The following GRID2 variants were observed in gnomAD, a reference collection of about 807,000 sequenced individuals.
The protein encoded by GRID2 is glutamate ionotropic receptor delta type subunit 2.
Under a neutral mutation model 114.8 loss-of-function variants are expected in GRID2, and 33 were observed. The ratio of observed to expected loss-of-function variants is 0.29; its 90% CI spans 0.22 to 0.38. The LOEUF (loss-of-function observed/expected upper bound fraction) is 0.38. GRID2 is among the 10% of genes least tolerant of loss of function. The probability of loss-of-function intolerance (pLI) is 1.00; values close to 1 mark genes in which losing one functional copy is unlikely to be tolerated. For synonymous variants in GRID2, 505 were observed against 449.9 expected (o/e 1.12, Z -1.55); for missense variants, 1,184 against 1,257.7 (o/e 0.94, Z 0.89).
intron 2 of GRID2, among the ~76,000 whole-genome samples, chr4:92,709,572 G>GAAAAAAA (rs767320278): frequency 9.9e-6 from 1 of 101,034 alleles, no homozygotes; most frequent in East Asian, 3.2e-4. Context: ...ATAGTGTAGA[G>GAAAAAAA]AAAAAAAAAA....
Position 93,626,420 on chromosome 4 carries a change from A to G in GRID2, c.2345A>G (p.Asp782Gly), listed in dbSNP as rs1408397515. 1.2e-6 allele frequency: 2 copies of G among 1,605,000 alleles called. No homozygotes were observed. The highest frequency in any genetic ancestry group is 1.7e-6 in the Non-Finnish European group (2 of 1,175,536). The change falls in exon 14 of 16, where the codon GAT becomes GGT. Residue 782 changes from aspartate (D) to glycine (G), a missense_variant. Transcript: ENST00000282020. ...TTACAACATGGCAGTCCTTACCGAGATGTTTTTTCACAAAGGTAAGATTTG... is the reference window on the plus strand; with the variant it reads ...TTACAACATGGCAGTCCTTACCGAGGTGTTTTTTCACAAAGGTAAGATTTG... ...IALQHGSPYRDVFSQRILELQ... is the reference protein window; with the variant it reads ...IALQHGSPYRGVFSQRILELQ...
Position 93,614,020 on chromosome 4 carries a change from C to T in GRID2, c.2194-12249C>T, listed in dbSNP as rs1253024096. ...TGTGGGATATAGTCTCGTGGTGCGC[C>T]GTTTTTTAAGCCGGTCTGAAAAGCG... On this transcript the variant is annotated intron_variant, in intron 13 of 15. Transcript: ENST00000282020. Among the ~76,000 whole-genome samples, 20 of 152,030 alleles carry T rather than the reference C, an allele frequency of 1.3e-4. No homozygotes were observed. In the South Asian group the frequency reaches 2.3e-3, roughly 17 times the overall value.
At chr4:93,671,749 A>C (rs187842178) in intron 14 of GRID2, among the ~76,000 whole-genome samples, 7 of 152,224 alleles carry the variant, frequency 4.6e-5, no homozygotes, top group Non-Finnish European at 1.0e-4. Flanking sequence ...TGGGTGGATC[A>C]TTTGAGGTCA....
At chr4:92,635,016 C>T (rs1404165445) in intron 2 of GRID2, among the ~76,000 whole-genome samples, 2 of 151,912 alleles carry the variant, frequency 1.3e-5, no homozygotes, top group South Asian at 4.2e-4. Flanking sequence ...AGTCACTGTG[C>T]CAAAAGCTGC....
chr4:93,174,984 C>T (rs1284289333), intron 4 of GRID2, among the ~76,000 whole-genome samples: 1 of 151,854 alleles, frequency 6.6e-6, no homozygotes, highest in Non-Finnish European at 1.5e-5. Flanking sequence ...AGTAAATGTC[C>T]AATAGTGTAA....
intron 4 of GRID2, among the ~76,000 whole-genome samples, chr4:93,196,320 G>T (rs922802086): frequency 6.6e-6 from 1 of 152,140 alleles, no homozygotes; most frequent in Non-Finnish European, 1.5e-5. Flanking sequence ...CTTACTTTGA[G>T]AATGACAAAA....
intron 9 of GRID2, among the ~76,000 whole-genome samples, chr4:93,407,722 TTCTCCTCCTC>T (rs1766611285): frequency 1.1e-5 from 1 of 90,286 alleles, no homozygotes. Context: ...CTCCTCCTCC[TTCTCCTCCTC>T]CTCCTCCTCC....
At chr4:93,332,667 C>T (rs1417092774) in intron 8 of GRID2, among the ~76,000 whole-genome samples, 2 of 151,872 alleles carry the variant, frequency 1.3e-5, no homozygotes, top group African/African-American at 4.8e-5. Context: ...TAAGACATGC[C>T]AGGAGATATA....
chr4:93,238,458 T>C lies in GRID2; in HGVS notation c.1213T>C (p.Tyr405His). The C allele has an allele frequency of 6.2e-7, 1 of 1,610,132 alleles. No homozygotes were observed. The highest frequency in any genetic ancestry group is 8.5e-7 in the Non-Finnish European group (1 of 1,176,944). ...CCACTTTGAAATCCTTGGAACCAAC[T>C]ATGGAGAAGAGCTTGGCAGAGGTGT... ...NVHFEILGTN[Y>H]GEELGRGVRK... is the part of the protein sequence containing the mutation. The change falls in exon 8 of 16, where the codon TAT becomes CAT. Residue 405 changes from tyrosine (Y) to histidine (H), a missense_variant. Tyr to His is a moderately conservative substitution (Grantham distance 83). This residue lies in a region of GRID2 where 717 missense variants were observed against 796.9 expected (regional missense o/e 0.90). Coordinates refer to ENST00000282020, the MANE Select transcript of GRID2 (RefSeq NM_001510.4).
chr4:92,895,384 C>CATATATATATATATATATATATATATAT lies in GRID2; in HGVS notation c.245-189590_245-189589insTATATATATATATATATATATATATATA, dbSNP rs10528035. 3.1e-3 allele frequency among the ~76,000 whole-genome samples: 339 copies of CATATATATATATATATATATATATATAT among 108,022 alleles called. 16 individuals are homozygous for CATATATATATATATATATATATATATAT. Among genetic ancestry groups the CATATATATATATATATATATATATATAT allele is most frequent in the African/African-American group, 9.9e-3 (200 of 20,106 alleles). 70.9% of individuals were successfully genotyped at this position (108,022 alleles called of 152,430 possible). A position where few individuals can be genotyped will look rare whatever the true frequency, so the allele number is the denominator to read the frequency against. ...TTGAATTGACACATCATGTAGAAAA[C>CATATATATATATATATATATATATATAT]ATATATATATATATATATATAAACT... On this transcript the variant is annotated intron_variant, in intron 2 of 15. Coordinates refer to ENST00000282020, the MANE Select transcript of GRID2 (RefSeq NM_001510.4).
chr4:93,799,284 A>C (rs1404348152), intron 1 of GRID2, among the ~76,000 whole-genome samples: 1 of 152,192 alleles, frequency 6.6e-6, no homozygotes, highest in African/African-American at 2.4e-5. Flanking sequence ...ACACATCTTT[A>C]CTGAGGGCCT....
chr4:92,454,362 C>A (rs766312560), intron 1 of GRID2, among the ~76,000 whole-genome samples: 1 of 152,146 alleles, frequency 6.6e-6, no homozygotes, highest in Non-Finnish European at 1.5e-5. Context: ...TAGTATCTTA[C>A]AAGTTTCCTT....
At chr4:93,550,194 G>A (rs1733628077) in intron 13 of GRID2, among the ~76,000 whole-genome samples, 1 of 152,062 alleles carries the variant, frequency 6.6e-6, no homozygotes, top group Non-Finnish European at 1.5e-5. Flanking sequence ...CGATCCTCCT[G>A]CCTCAGCCTC....
chr4:93,502,068 C>T (rs894079817), intron 12 of GRID2, among the ~76,000 whole-genome samples: 7 of 151,942 alleles, frequency 4.6e-5, no homozygotes, highest in Admixed American at 2.6e-4. Flanking sequence ...TTGTGGAGGA[C>T]ATAGTTTGAG....
chr4:93,569,537 G>A (rs530192091), intron 13 of GRID2, among the ~76,000 whole-genome samples: 4 of 152,234 alleles, frequency 2.6e-5, no homozygotes, highest in South Asian at 2.1e-4. Flanking sequence ...TTTCCTGAGG[G>A]ATCGTTTGAA....
intron 13 of GRID2, among the ~76,000 whole-genome samples, chr4:93,613,132 G>A (rs1459229782): frequency 3.4e-5 from 5 of 147,398 alleles, no homozygotes; most frequent in East Asian, 2.0e-4. Flanking sequence ...CATTCTTCAC[G>A]TAGTTCTCGA....
chr4:93,034,092 A>G (rs1016603683), intron 2 of GRID2, among the ~76,000 whole-genome samples: 8 of 152,188 alleles, frequency 5.3e-5, no homozygotes, highest in Non-Finnish European at 1.0e-4. Context: ...CAAGCTACCT[A>G]CTGGGTTGAT....
chr4:92,475,962 T>A (rs1722289378), intron 1 of GRID2, among the ~76,000 whole-genome samples: 1 of 151,968 alleles, frequency 6.6e-6, no homozygotes, highest in African/African-American at 2.4e-5. Context: ...TTTCTTAATC[T>A]TCTTTGGATA....
chr4:93,659,798 G>C (rs1414326032), intron 14 of GRID2, among the ~76,000 whole-genome samples: 1 of 151,690 alleles, frequency 6.6e-6, no homozygotes, highest in Non-Finnish European at 1.5e-5. Flanking sequence ...AGAGGACTCA[G>C]TACTGAAGAT....
Sources: gnomAD v4.1 joint callset for allele counts (sites outside exome capture counted in the v4.1 genomes callset) on GRCh38, gnomAD v4.1.1 for gene constraint, gnomAD v4.1.1 regional missense constraint, MANE v1.5 for transcripts, NCBI Gene and HGNC (gene_info 2026-07-23, HGNC 2026-07-21) for gene names.